Variants in RGS6 observed in about 807,000 individuals in gnomAD.
RGS6 encodes regulator of G protein signaling 6.
RGS6 carries 30 observed loss-of-function variants against 78.5 expected under a neutral mutation model. The observed-to-expected ratio is 0.38, with a 90% confidence interval of 0.29 to 0.52. RGS6 has a LOEUF of 0.52. Among genes scored for constraint, RGS6 ranks in the 20% least tolerant of loss-of-function variants. The pLI, the probability that RGS6 is intolerant of heterozygous loss-of-function variation, is 0.85. For synonymous variants in RGS6, 206 were observed against 206.0 expected (o/e 1.00, Z 0.00); for missense variants, 495 against 609.7 (o/e 0.81, Z 1.98).
chr14:71,903,591 C>A, the RGS6 span, among the ~76,000 whole-genome samples: 1 of 152,104 alleles, frequency 6.6e-6, no homozygotes, highest in African/African-American at 2.4e-5. Flanking sequence ...CTTGAGGTAA[C>A]GAGCCTGAAT....
chr14:72,078,452 C>T (rs767557023), intron 2 of RGS6, among the ~76,000 whole-genome samples: 36 of 151,650 alleles, frequency 2.4e-4, no homozygotes, highest in South Asian at 2.1e-4. Context: ...CTTGCTCTGT[C>T]GTCCAGGCTA....
intron 2 of RGS6, among the ~76,000 whole-genome samples, chr14:72,052,925 T>TTTCTTTCTTTCTTTC (rs2093340474): frequency 8.3e-6 from 1 of 120,428 alleles, no homozygotes; most frequent in East Asian, 2.3e-4. Flanking sequence ...TTCATTGTAT[T>TTTCTTTCTTTCTTTC]TTTCTTTCTT....
chr14:72,050,006 C>T (rs2093128311), intron 2 of RGS6, among the ~76,000 whole-genome samples: 1 of 151,938 alleles, frequency 6.6e-6, no homozygotes, highest in South Asian at 2.1e-4. Context: ...GCAGTAAAGA[C>T]AAGTTAAGAA....
intron 2 of RGS6, among the ~76,000 whole-genome samples, chr14:72,259,156 TTTTTG>T (rs759669697): frequency 4.6e-4 from 70 of 152,310 alleles, no homozygotes; most frequent in Non-Finnish European, 9.7e-4. Flanking sequence ...TTTGTTGGGA[TTTTTG>T]TTTTGTTTTG....
chr14:71,876,585 T>G, the RGS6 span, among the ~76,000 whole-genome samples: 1 of 148,740 alleles, frequency 6.7e-6, no homozygotes, highest in African/African-American at 2.5e-5. Flanking sequence ...ACATGAGATG[T>G]GTCTCCTGAA....
At chr14:71,876,231 T>A in the RGS6 span, among the ~76,000 whole-genome samples, 12 of 151,934 alleles carry the variant, frequency 7.9e-5, no homozygotes, top group African/African-American at 2.7e-4. Context: ...ATCTGTCTAA[T>A]GTTGACAGTG....
the RGS6 span, among the ~76,000 whole-genome samples, chr14:71,883,543 G>A: frequency 1.3e-5 from 2 of 152,156 alleles, no homozygotes; most frequent in Non-Finnish European, 2.9e-5. Context: ...TCTTGAGTAG[G>A]GGCTGTGTAC....
chr14:72,061,050 G>A (rs1257236953), intron 2 of RGS6, among the ~76,000 whole-genome samples: 1 of 152,190 alleles, frequency 6.6e-6, no homozygotes, highest in Non-Finnish European at 1.5e-5. Context: ...TTGTAGGATT[G>A]CACTTTCCCT....
chr14:72,099,270 C>T (rs561195050), intron 2 of RGS6, among the ~76,000 whole-genome samples: 1 of 152,270 alleles, frequency 6.6e-6, no homozygotes, highest in South Asian at 2.1e-4. Context: ...TGCCATTCTC[C>T]TGCCTCAGCC....
intron 2 of RGS6, among the ~76,000 whole-genome samples, chr14:72,106,900 AAGACTAT>A (rs1357504342): frequency 6.6e-6 from 1 of 152,130 alleles, no homozygotes; most frequent in Non-Finnish European, 1.5e-5. Flanking sequence ...TCCTTTTGCT[AAGACTAT>A]AGGTGGGACT....
chr14:72,549,247 T>TG (rs1173855853), intron 17 of RGS6, among the ~76,000 whole-genome samples: 2 of 100,190 alleles, frequency 2.0e-5, no homozygotes, highest in Non-Finnish European at 4.3e-5. Context: ...CTGTTTTTTG[T>TG]TTTTTTTTTT....
At chr14:72,037,353 T>C (rs1355742826) in intron 2 of RGS6, among the ~76,000 whole-genome samples, 1 of 152,196 alleles carries the variant, frequency 6.6e-6, no homozygotes, top group Non-Finnish European at 1.5e-5. Flanking sequence ...CCGCACCACC[T>C]TTAAGAGCTG....
At chr14:72,453,788 T>C (rs973019526) in intron 3 of RGS6, among the ~76,000 whole-genome samples, 2 of 152,148 alleles carry the variant, frequency 1.3e-5, no homozygotes, top group Admixed American at 6.5e-5. Context: ...GTAATGTCCA[T>C]GGTTGGAACC....
intron 17 of RGS6, among the ~76,000 whole-genome samples, chr14:72,558,524 T>C (rs1471531304): frequency 6.6e-6 from 1 of 152,198 alleles, no homozygotes; most frequent in Non-Finnish European, 1.5e-5. Flanking sequence ...AGCCACAGCA[T>C]GTCAAGCAGC....
intron 15 of RGS6, among the ~76,000 whole-genome samples, chr14:72,534,038 A>G (rs1455284896): frequency 6.6e-6 from 1 of 152,260 alleles, no homozygotes; most frequent in Non-Finnish European, 1.5e-5. Flanking sequence ...ACACCATCAC[A>G]TGCTACAGAG....
chr14:72,362,251 G>T (rs2081596729), intron 3 of RGS6, among the ~76,000 whole-genome samples: 1 of 152,176 alleles, frequency 6.6e-6, no homozygotes, highest in South Asian at 2.1e-4. Context: ...TGCCATAATA[G>T]AAGAATGGAC....
the RGS6 span, among the ~76,000 whole-genome samples, chr14:71,879,547 A>C: frequency 2.0e-5 from 3 of 152,164 alleles, no homozygotes; most frequent in Admixed American, 2.0e-4. Context: ...TAATTGACTC[A>C]TGCAGGCAGG....
At chr14:72,484,933 T>A (rs2096460837) in intron 12 of RGS6, among the ~76,000 whole-genome samples, 2 of 21,018 alleles carry the variant, frequency 9.5e-5, no homozygotes, top group East Asian at 0.029. Context: ...TCTGGTAGAT[T>A]TTTTTTTTTT....
chr14:71,937,253 G>A (rs1361122589), intron 1 of RGS6, among the ~76,000 whole-genome samples: 7 of 152,200 alleles, frequency 4.6e-5, no homozygotes, highest in East Asian at 1.9e-4. Flanking sequence ...TAATGGAATC[G>A]TTGTGTTTCC....
Sources: allele counts gnomAD v4.1 joint callset (sites outside exome capture counted in the v4.1 genomes callset), GRCh38; gene constraint gnomAD v4.1.1; transcripts MANE v1.5; gene names NCBI Gene and HGNC (gene_info 2026-07-23, HGNC 2026-07-21).